The following ST6GALNAC5 variants were observed in gnomAD, a reference collection of about 807,000 sequenced individuals.
The protein encoded by ST6GALNAC5 is alpha-N-acetylgalactosaminide alpha-2,6-sialyltransferase 5.
A neutral mutation model predicts 33.6 loss-of-function variants in ST6GALNAC5; 27 were observed. The observed-to-expected ratio is 0.80, with a 90% confidence interval of 0.59 to 1.11. The LOEUF (loss-of-function observed/expected upper bound fraction) is 1.11, where lower values mean the gene tolerates loss of function less well. Ranked by LOEUF, ST6GALNAC5 falls within the 50% of genes least tolerant of loss-of-function variation. The pLI is 0.00. For missense variants in ST6GALNAC5, 428 were observed against 454.0 expected (o/e 0.94, Z 0.52); for synonymous variants, 194 against 171.2 (o/e 1.13, Z -1.04).
chr1:77,048,287 G>A (rs377384186), intron 3 of ST6GALNAC5, among the ~76,000 whole-genome samples: 3 of 152,108 alleles, frequency 2.0e-5, no homozygotes, highest in Non-Finnish European at 2.9e-5. Flanking sequence ...AAAAGCAGAG[G>A]GAATATAAGT....
chr1:76,886,065 C>T (rs1653886587), intron 2 of ST6GALNAC5, among the ~76,000 whole-genome samples: 1 of 152,172 alleles, frequency 6.6e-6, no homozygotes, highest in African/African-American at 2.4e-5. Flanking sequence ...GCTTCTGCTC[C>T]GTGATGCAAT....
At chr1:76,971,355 C>T (rs76877840) in intron 2 of ST6GALNAC5, among the ~76,000 whole-genome samples, 14 of 152,078 alleles carry the variant, frequency 9.2e-5, no homozygotes, top group South Asian at 2.1e-4. Context: ...CCAAGTGTTA[C>T]GGGCCCAGAG....
At chr1:77,052,825 T>A (rs61782869) in intron 4 of ST6GALNAC5, among the ~76,000 whole-genome samples, 10,710 of 145,506 alleles carry the variant, frequency 0.074, 518 homozygotes, top group Middle Eastern at 0.12. Flanking sequence ...TGGCTGAGCA[T>A]GAGAATCGCT....
chr1:76,951,788 G>A (rs1449829531), intron 2 of ST6GALNAC5, among the ~76,000 whole-genome samples: 2 of 151,926 alleles, frequency 1.3e-5, no homozygotes, highest in African/African-American at 2.4e-5. Context: ...GTACCCAATC[G>A]TTTCTTTAAG....
rs1180568029 is a variant in ST6GALNAC5, at chr1:77,065,941, A to G, written c.*2735A>G. ...GCAGAGGCCATTACAATAGATAGCC[A>G]TTATGGGCAAAGATACGGGAATTTG... is the stretch of plus-strand genomic sequence containing the variant. On this transcript the variant is annotated 3_prime_UTR_variant, in exon 5 of 5. Coordinates refer to ENST00000477717, the MANE Select transcript of ST6GALNAC5 (RefSeq NM_030965.3). 6.6e-6 allele frequency among the ~76,000 whole-genome samples: 1 copy of G among 152,226 alleles called. No individual in the cohort carries two copies. Among genetic ancestry groups the G allele is most frequent in the African/African-American group, 2.4e-5 (1 of 41,470 alleles).
chr1:76,898,197 T>C (rs28858794), intron 2 of ST6GALNAC5, among the ~76,000 whole-genome samples: 75,286 of 151,928 alleles, frequency 0.5, 19,303 homozygotes, highest in African/African-American at 0.62. Flanking sequence ...GGGCTGTGGG[T>C]GTTCCTCGGC....
At chr1:76,972,533 A>G (rs1648804346) in intron 2 of ST6GALNAC5, among the ~76,000 whole-genome samples, 1 of 152,234 alleles carries the variant, frequency 6.6e-6, no homozygotes, top group Non-Finnish European at 1.5e-5. Flanking sequence ...TTTTTCAATA[A>G]TGTATACGTT....
At chr1:76,893,016 T>C (rs568271803) in intron 2 of ST6GALNAC5, among the ~76,000 whole-genome samples, 1 of 152,298 alleles carries the variant, frequency 6.6e-6, no homozygotes, top group South Asian at 2.1e-4. Context: ...GGCCCAAGAC[T>C]GTGAGGTTCC....
rs771824917 is a variant in ST6GALNAC5, at chr1:77,044,514, T to G, written c.572T>G (p.Leu191Arg). Residue 191 changes from leucine to arginine, a missense_variant, in exon 3 of 5, where the codon CTC becomes CGC. Transcript: ENST00000477717. ...GKGQVYNNLH[L>R]LSQVLPRLKA... ...GGCCAGGTCTACAACAACCTGCATC[T>G]CCTGAGCCAGGTGCTGCCCCGGCTG... 9 of 1,612,322 alleles carry G rather than the reference T, an allele frequency of 5.6e-6. No individual in the cohort carries two copies. The South Asian group carries it at 6.6e-5, about 12-fold the overall frequency.
At chr1:76,990,403 C>A (rs1649677975) in intron 2 of ST6GALNAC5, among the ~76,000 whole-genome samples, 1 of 152,166 alleles carries the variant, frequency 6.6e-6, no homozygotes, top group East Asian at 1.9e-4. Flanking sequence ...CAGCAGTTAC[C>A]TGAAAATCCA....
intron 4 of ST6GALNAC5, among the ~76,000 whole-genome samples, chr1:77,055,083 G>A (rs904579503): frequency 2.0e-5 from 3 of 151,548 alleles, no homozygotes; most frequent in Admixed American, 6.6e-5. Context: ...AAACATGACT[G>A]CCTTACTAGA....
At chr1:76,944,843 G>C (rs1468568843) in intron 2 of ST6GALNAC5, among the ~76,000 whole-genome samples, 1 of 152,028 alleles carries the variant, frequency 6.6e-6, no homozygotes, top group African/African-American at 2.4e-5. Flanking sequence ...TGGATCTGTA[G>C]TTACAGCATT....
At chr1:77,016,177 C>T (rs867311778) in intron 2 of ST6GALNAC5, among the ~76,000 whole-genome samples, 54 of 4,564 alleles carry the variant, frequency 0.012, 16 homozygotes, top group Non-Finnish European at 0.019. Context: ...TCCTCCTGTC[C>T]TCCCCCTCCT....
intron 2 of ST6GALNAC5, among the ~76,000 whole-genome samples, chr1:76,961,830 T>A (rs1292223151): frequency 6.6e-6 from 1 of 152,212 alleles, no homozygotes; most frequent in African/African-American, 2.4e-5. Flanking sequence ...ATTTTACATC[T>A]TTTGCAGGGT....
intron 2 of ST6GALNAC5, among the ~76,000 whole-genome samples, chr1:76,982,083 T>C (rs1418823313): frequency 6.6e-6 from 1 of 152,174 alleles, no homozygotes; most frequent in African/African-American, 2.4e-5. Flanking sequence ...CTGAAAATTC[T>C]GAAAATCAGA....
At chr1:76,981,421 C>A (rs1251713035) in intron 2 of ST6GALNAC5, among the ~76,000 whole-genome samples, 1 of 152,190 alleles carries the variant, frequency 6.6e-6, no homozygotes, top group African/African-American at 2.4e-5. Flanking sequence ...TGCAAGGCTG[C>A]AGCGTGGCTG....
intron 2 of ST6GALNAC5, among the ~76,000 whole-genome samples, chr1:76,914,479 G>A (rs1013149475): frequency 1.9e-4 from 29 of 152,106 alleles, no homozygotes; most frequent in African/African-American, 6.8e-4. Flanking sequence ...CATGGTACTG[G>A]TACCAAAACA....
chr1:76,898,030 A>G (rs1646771521), intron 2 of ST6GALNAC5, among the ~76,000 whole-genome samples: 1 of 152,236 alleles, frequency 6.6e-6, no homozygotes, highest in African/African-American at 2.4e-5. Flanking sequence ...GGACAGAGTC[A>G]GTCTTCAGCC....
chr1:76,911,516 T>C (rs1289828578), intron 2 of ST6GALNAC5, among the ~76,000 whole-genome samples: 1 of 152,154 alleles, frequency 6.6e-6, no homozygotes. Flanking sequence ...TCAGAAGAAA[T>C]GGTACCAGTT....
Sources: allele counts gnomAD v4.1 joint callset (sites outside exome capture counted in the v4.1 genomes callset), GRCh38; gene constraint gnomAD v4.1.1; transcripts MANE v1.5; gene names NCBI Gene and HGNC (gene_info 2026-07-23, HGNC 2026-07-21).